CCNH: variants seen among roughly 807,000 people sequenced by gnomAD.
CCNH encodes cyclin-H.
A neutral mutation model predicts 41.9 loss-of-function variants in CCNH; 31 were observed. The observed-to-expected ratio is 0.74, with a 90% CI of 0.56 to 1.00. The LOEUF (loss-of-function observed/expected upper bound fraction) is 1.00. Among genes scored for constraint, CCNH ranks in the 50% least tolerant of loss-of-function variants. CCNH has a pLI of 0.00. For synonymous variants in CCNH, 138 were observed against 136.1 expected, an observed-to-expected ratio of 1.01 and a Z score of -0.10; for missense variants, 362 against 388.4, an observed-to-expected ratio of 0.93 and a Z score of 0.57.
exon 1 of CCNH, chr5:87,376,368 A>G (rs748099200): frequency 2.9e-5 from 46 of 1,613,044 alleles, no homozygotes; most frequent in Non-Finnish European, 3.8e-5. Flanking sequence ...TTTTTAAACA[A>G]TAATTGCTTG....
downstream of CCNH, among the ~76,000 whole-genome samples, chr5:87,313,868 T>C (rs1756111561): frequency 6.6e-6 from 1 of 151,952 alleles, no homozygotes; most frequent in South Asian, 2.1e-4. Flanking sequence ...ATCAAAGAGG[T>C]CTGAAAATGC....
intron 9 of CCNH, among the ~76,000 whole-genome samples, chr5:87,386,040 T>G (rs1762041218): frequency 6.6e-6 from 1 of 152,038 alleles, no homozygotes; most frequent in Non-Finnish European, 1.5e-5. Flanking sequence ...GTTACAAGAT[T>G]TCCTGTCAGC....
intron 4 of CCNH, 92 bp downstream of exon 4, chr5:87,407,884 C>A (rs1258191024): frequency 2.1e-6 from 2 of 943,762 alleles, no homozygotes; most frequent in African/African-American, 1.6e-5. Flanking sequence ...GCTATAACAA[C>A]GAGGATGATT....
rs1159798476 is a variant in CCNH, at chr5:87,376,874, A to G, written n.307T>C. On this transcript the variant is annotated non_coding_transcript_exon_variant, in exon 1 of 1. Transcript: ENST00000607486. ...ACTTTAAACAATCTTTTAAAATGTC[A>G]TTTTAGCTTATACTGCAAAAGGAAC... 2 of 1,592,698 alleles carry G rather than the reference A, an allele frequency of 1.3e-6. No homozygotes were observed. The highest frequency in any genetic ancestry group is 3.3e-5 in the Admixed American group (2 of 59,940).
intron 9 of CCNH, chr5:87,333,396 A>T: frequency 6.2e-7 from 1 of 1,601,180 alleles, no homozygotes. Context: ...TCGAAGATTT[A>T]TTACTCTTGG....
chr5:87,318,888 AC>A (rs1456270481), exon 10 of CCNH: 1 of 152,216 alleles, frequency 6.6e-6, no homozygotes, highest in African/African-American at 2.4e-5. Context: ...AGTCCATTCC[AC>A]CTATGAGCCT....
At chr5:87,394,728 CAGAT>C (rs373187111) in intron 8 of CCNH, 453 of 1,325,346 alleles carry the variant, frequency 3.4e-4, no homozygotes, top group Admixed American at 4.0e-4. Context: ...TTTGACTTGA[CAGAT>C]AGAAAATTTT....
downstream of CCNH, among the ~76,000 whole-genome samples, chr5:87,315,356 C>CATG (rs1756244693): frequency 6.6e-6 from 1 of 152,154 alleles, no homozygotes; most frequent in African/African-American, 2.4e-5. Flanking sequence ...AGGAGAATGC[C>CATG]AGCTCAGGTC....
downstream of CCNH, chr5:87,391,207 G>A: frequency 2.2e-6 from 1 of 448,574 alleles, no homozygotes; most frequent in Non-Finnish European, 4.1e-6. Context: ...TATATTTTCA[G>A]TACACCCAGT....
downstream of CCNH, among the ~76,000 whole-genome samples, chr5:87,316,396 G>A (rs749878526): frequency 1.3e-4 from 20 of 152,188 alleles, no homozygotes; most frequent in Admixed American, 3.3e-4. Flanking sequence ...AGCTTATTCC[G>A]ATTCCCAGGT....
chr5:87,338,544 T>TTTTC (rs1758194514), intron 9 of CCNH, among the ~76,000 whole-genome samples: 4 of 137,912 alleles, frequency 2.9e-5, no homozygotes, highest in African/African-American at 1.1e-4. Flanking sequence ...AAATTTTTTT[T>TTTTC]TTTTTTAAGT....
intron 9 of CCNH, among the ~76,000 whole-genome samples, chr5:87,340,456 C>A (rs957206038): frequency 6.6e-6 from 1 of 151,536 alleles, no homozygotes; most frequent in Non-Finnish European, 1.5e-5. Flanking sequence ...GATATAGTAA[C>A]ATTCAGTGAG....
downstream of CCNH, among the ~76,000 whole-genome samples, chr5:87,317,558 T>C (rs1421398422): frequency 1.3e-5 from 2 of 152,208 alleles, no homozygotes; most frequent in Admixed American, 1.3e-4. Flanking sequence ...ACATTGTGTT[T>C]CCACCTATCT....
intron 1 of CCNH, chr5:87,412,381 A>G (rs1435168888): frequency 8.9e-7 from 1 of 1,127,346 alleles, no homozygotes; most frequent in Non-Finnish European, 1.1e-6. Context: ...CCCCAACATC[A>G]TCTCTTGACA....
At chr5:87,387,425 G>A (rs536860259), downstream of CCNH, among the ~76,000 whole-genome samples, 23 of 152,108 alleles carry the variant, frequency 1.5e-4, no homozygotes, top group Non-Finnish European at 2.6e-4. Context: ...ACAAAATTAC[G>A]AATGAGGGTA....
chr5:87,341,302 G>A, intron 9 of CCNH: 1 of 1,350,484 alleles, frequency 7.4e-7, no homozygotes, highest in Non-Finnish European at 9.6e-7. Context: ...CCGGGAAGAA[G>A]ATCCACATGA....
chr5:87,390,697 T>C (rs1762448865), downstream of CCNH: 1 of 860,932 alleles, frequency 1.2e-6, no homozygotes, highest in African/African-American at 1.7e-5. Flanking sequence ...TAATATTTTA[T>C]GCATCCTTTT....
At chr5:87,399,729 T>C (rs1404032974) in intron 6 of CCNH, among the ~76,000 whole-genome samples, 1 of 152,176 alleles carries the variant, frequency 6.6e-6, no homozygotes, top group African/African-American at 2.4e-5. Context: ...GCCCATATCA[T>C]ATACAGCATA....
intron 9 of CCNH, among the ~76,000 whole-genome samples, chr5:87,348,212 AAGG>A (rs1759000698): frequency 6.6e-6 from 1 of 152,016 alleles, no homozygotes; most frequent in African/African-American, 2.4e-5. Context: ...GATTCAGTTT[AAGG>A]AGATTTATTT....
Sources: gnomAD v4.1 joint callset for allele counts (sites outside exome capture counted in the v4.1 genomes callset) on GRCh38, gnomAD v4.1.1 for gene constraint, MANE v1.5 for transcripts, NCBI Gene and HGNC (gene_info 2026-07-23, HGNC 2026-07-21) for gene names.